Variants in RTF1 observed in about 807,000 individuals in gnomAD.
RTF1 encodes the protein RNA polymerase-associated protein RTF1 homolog.
Under a neutral mutation model 95.7 loss-of-function variants are expected in RTF1, and 10 were observed. The ratio of observed to expected loss-of-function variants is 0.10; its 90% CI spans 0.06 to 0.18. The LOEUF (loss-of-function observed/expected upper bound fraction) is 0.18, where lower values mean the gene tolerates loss of function less well. Ranked by LOEUF, RTF1 falls within the 10% of genes least tolerant of loss-of-function variation. The pLI is 1.00. For missense variants in RTF1, 458 were observed against 875.6 expected, an observed-to-expected ratio of 0.52 and a Z score of 6.02; for synonymous variants, 305 against 311.8, an observed-to-expected ratio of 0.98 and a Z score of 0.23.
chr15:41,479,560 C>G (rs1025437103), intron 16 of RTF1, among the ~76,000 whole-genome samples: 4 of 152,224 alleles, frequency 2.6e-5, no homozygotes, highest in African/African-American at 9.6e-5. Context: ...GAAAATGGCA[C>G]ATTTAAAAGC....
At chr15:41,451,731 A>C (rs2050790322) in intron 2 of RTF1, among the ~76,000 whole-genome samples, 1 of 152,206 alleles carries the variant, frequency 6.6e-6, no homozygotes, top group African/African-American at 2.4e-5. Context: ...TCTCCTGGGC[A>C]CAAGCTACAT....
At chr15:41,423,759 T>C (rs1247920775) in intron 1 of RTF1, among the ~76,000 whole-genome samples, 1 of 152,094 alleles carries the variant, frequency 6.6e-6, no homozygotes, top group African/African-American at 2.4e-5. Context: ...TATTTATTTA[T>C]TTATTTATTT....
At chr15:41,446,352 C>T (rs1381372978) in intron 2 of RTF1, among the ~76,000 whole-genome samples, 3 of 151,938 alleles carry the variant, frequency 2.0e-5, no homozygotes, top group Non-Finnish European at 2.9e-5. Context: ...GGGCGGATCA[C>T]GAGGTCAGGA....
chr15:41,440,204 T>C (rs75744310), intron 2 of RTF1: 34 of 149,930 alleles, frequency 2.3e-4, no homozygotes, highest in African/African-American at 7.3e-4. Context: ...TTTTTTTTTT[T>C]TCTTGAGACT....
rs2050968837 is a variant in RTF1, at chr15:41,480,858, C to T, written c.*171C>T. ...CATTTGCTGTATAGACCTCCTTTGTCTGCACACCATCTCCCACCAGCCTCC... is the reference window on the plus strand; with the variant it reads ...CATTTGCTGTATAGACCTCCTTTGTTTGCACACCATCTCCCACCAGCCTCC... On this transcript the variant is annotated 3_prime_UTR_variant, in exon 18 of 18. Transcript: ENST00000389629. 1.6e-6 allele frequency: 1 copy of T among 606,624 alleles called. No homozygotes were observed. Among genetic ancestry groups the T allele is most frequent in the South Asian group, 2.0e-5 (1 of 50,714 alleles). The allele number at this position is 606,624 out of a possible 1,614,324, so 37.6% of individuals were successfully genotyped here.
chr15:41,477,629 C>T (rs551363433), intron 14 of RTF1, 114 bp downstream of exon 14: 98 of 854,778 alleles, frequency 1.1e-4, no homozygotes, highest in Middle Eastern at 5.8e-4. Context: ...AGGCACTTAA[C>T]GTATACACAC....
In RTF1 at chr15:41,462,735, C is replaced by T. The variant is rs147897598; in HGVS notation, c.663-2036C>T. 2.4e-3 allele frequency among the ~76,000 whole-genome samples: 359 copies of T among 152,144 alleles called. 1 individual carries two copies. Among genetic ancestry groups the T allele is most frequent in the African/African-American group, 8.2e-3 (340 of 41,504 alleles). ...TCTCCTTTCTGTCTCTCTAGATTTG[C>T]CTATTCTGGATATGTTTATTATTAT... On this transcript the variant is annotated intron_variant, in intron 4 of 17. Transcript: ENST00000389629.
At position 41,470,300 on chromosome 15, in the gene RTF1, C is replaced by G. The variant is rs780773806; in HGVS notation, c.933C>G (p.Val311=). 4 of 1,613,942 alleles carry G rather than the reference C, an allele frequency of 2.5e-6. No individual in the cohort carries two copies. The South Asian group carries it at 3.3e-5, about 13-fold the overall frequency. Residue 311 remains valine, a synonymous_variant, in exon 7 of 18, where the codon GTC becomes GTG. Transcript: ENST00000389629. ...AACAGCCATTAAAAACCAGTGAGGT[C>G]TACTCTGATGATGAAGAGGAGGAAG... is the stretch of plus-strand genomic sequence containing the variant. ...AKKQPLKTSE[V]YSDDEEEEED...
chr15:41,424,738 C>T (rs2050619894), intron 1 of RTF1, among the ~76,000 whole-genome samples: 1 of 152,170 alleles, frequency 6.6e-6, no homozygotes, highest in African/African-American at 2.4e-5. Context: ...TGGCCAGGCG[C>T]AGTGGCTCAC....
chr15:41,464,927 G>A, intron 5 of RTF1, 42 bp downstream of exon 5: 1 of 1,453,154 alleles, frequency 6.9e-7, no homozygotes, highest in East Asian at 2.6e-5. Flanking sequence ...GAATAAACCT[G>A]TTTTGAGTGT....
intron 2 of RTF1, among the ~76,000 whole-genome samples, chr15:41,443,992 C>T (rs566106561): frequency 4.6e-5 from 7 of 151,042 alleles, no homozygotes; most frequent in African/African-American, 1.5e-4. Context: ...GGCGTGAACC[C>T]GGGGGGCAGA....
At chr15:41,442,698 C>A (rs931628019) in intron 2 of RTF1, among the ~76,000 whole-genome samples, 4 of 151,886 alleles carry the variant, frequency 2.6e-5, no homozygotes, top group Non-Finnish European at 5.9e-5. Flanking sequence ...CCAGACTGGC[C>A]AAAATGGCGA....
intron 1 of RTF1, among the ~76,000 whole-genome samples, chr15:41,429,981 T>C (rs542536187): frequency 1.3e-5 from 2 of 150,852 alleles, no homozygotes; most frequent in South Asian, 2.1e-4. Flanking sequence ...TTGTTTTTAA[T>C]TTAATTTAAT....
intron 1 of RTF1, 133 bp downstream of exon 1, chr15:41,417,446 G>A: frequency 2.7e-6 from 2 of 733,024 alleles, no homozygotes; most frequent in African/African-American, 1.8e-5. Context: ...CACCACTACA[G>A]CCCCTTTCCC....
At chr15:41,466,682 T>C (rs949750956) in intron 6 of RTF1, among the ~76,000 whole-genome samples, 2 of 152,262 alleles carry the variant, frequency 1.3e-5, no homozygotes, top group African/African-American at 4.8e-5. Context: ...TGTTTTGTAA[T>C]TTAAAAAACA....
intron 3 of RTF1, among the ~76,000 whole-genome samples, chr15:41,454,281 G>A (rs111943735): frequency 0.027 from 4,126 of 151,962 alleles, 77 homozygotes; most frequent in Middle Eastern, 0.082. Flanking sequence ...AGTAGAGATG[G>A]GGTTTCACCA....
At position 41,451,091 on chromosome 15, in the gene RTF1, C is replaced by A. The variant is rs549007537; in HGVS notation, c.310-1810C>A. On this transcript the variant is annotated intron_variant, in intron 2 of 17. Transcript: ENST00000389629. The stretch of plus-strand genomic sequence containing the variant: ...TCTTCAGAACTACACCTCTACCCAA[C>A]CCCACCCCCTCAAAAAAAGATCAAA... Among the ~76,000 whole-genome samples, 4 of 152,236 alleles carry A rather than the reference C, an allele frequency of 2.6e-5. No individual in the cohort carries two copies. In the South Asian group the frequency reaches 8.3e-4, roughly 32 times the overall value.
chr15:41,474,503 A>C, intron 8 of RTF1, 117 bp from the exon 9 acceptor site: 1 of 757,340 alleles, frequency 1.3e-6, no homozygotes, highest in Non-Finnish European at 2.4e-6. Flanking sequence ...GCAGCTGTGG[A>C]CTCTACTCAG....
At chr15:41,457,223 G>A (rs2050823230) in intron 3 of RTF1, among the ~76,000 whole-genome samples, 1 of 152,126 alleles carries the variant, frequency 6.6e-6, no homozygotes, top group South Asian at 2.1e-4. Flanking sequence ...GCAACAAAGC[G>A]AGACCCCAAT....
Sources: allele counts gnomAD v4.1 joint callset (sites outside exome capture counted in the v4.1 genomes callset), GRCh38; gene constraint gnomAD v4.1.1; transcripts MANE v1.5; gene names NCBI Gene and HGNC (gene_info 2026-07-23, HGNC 2026-07-21).